LARP1: variants seen among roughly 807,000 people sequenced by gnomAD.
LARP1 encodes the protein La ribonucleoprotein 1, translational regulator, also known as la-related protein 1.
In LARP1, 36 loss-of-function variants were observed where a neutral mutation model predicts 122.7. The observed-to-expected ratio is 0.29, with a 90% CI of 0.22 to 0.39. The LOEUF (loss-of-function observed/expected upper bound fraction) is 0.39. Among genes scored for constraint, LARP1 ranks in the 10% least tolerant of loss-of-function variants. The pLI is 1.00. For missense variants in LARP1, 1,040 were observed against 1,403.6 expected, an observed-to-expected ratio of 0.74 and a Z score of 4.14; for synonymous variants, 539 against 528.7, an observed-to-expected ratio of 1.02 and a Z score of -0.27.
rs955341228 is a variant in LARP1 at position 154,804,187 on chromosome 5, G to T, written c.2440-14G>T. 1.9e-6 allele frequency: 3 copies of T among 1,606,980 alleles called. No individual in the cohort carries two copies. In the East Asian group the frequency reaches 6.7e-5, roughly 36 times the overall value. On this transcript the variant is annotated splice_polypyrimidine_tract_variant and intron_variant, in intron 13 of 18. Transcript: ENST00000518297. Reference sequence around the variant, plus strand: ...GAGTACAAACAGTAACAAACCCTGGGCTAACCTTTGCAGATGCCTCGAAAA... The same window carrying T: ...GAGTACAAACAGTAACAAACCCTGGTCTAACCTTTGCAGATGCCTCGAAAA...
At chr5:154,805,771 C>A (rs2113850485) in intron 14 of LARP1, 110 bp from the exon 15 acceptor site, 1 of 1,167,026 alleles carries the variant, frequency 8.6e-7, no homozygotes, top group Non-Finnish European at 1.2e-6. Flanking sequence ...TTGTTTGATA[C>A]CCTGTGAGAG....
chr5:154,810,466 A>G (rs139176949), intron 16 of LARP1, among the ~76,000 whole-genome samples: 228 of 151,708 alleles, frequency 1.5e-3, no homozygotes, highest in African/African-American at 5.0e-3. Context: ...ATCTAAATCT[A>G]TTGGCATGTG....
At chr5:154,742,732 A>G (rs541239646) in intron 1 of LARP1, among the ~76,000 whole-genome samples, 11 of 149,978 alleles carry the variant, frequency 7.3e-5, no homozygotes, top group African/African-American at 2.4e-4. Flanking sequence ...CCTGTCTCAA[A>G]AAAAAAAAAA....
intron 1 of LARP1, among the ~76,000 whole-genome samples, chr5:154,715,350 C>T (rs1386375776): frequency 4.1e-5 from 6 of 147,052 alleles, no homozygotes; most frequent in Admixed American, 6.8e-5. Flanking sequence ...CCGCAACCTC[C>T]GCCTCCCGGG....
At chr5:154,779,700 G>C (rs958828322) in intron 1 of LARP1, among the ~76,000 whole-genome samples, 3 of 151,990 alleles carry the variant, frequency 2.0e-5, no homozygotes, top group African/African-American at 4.8e-5. Context: ...TAGAGACGGG[G>C]TTTCTCCATG....
chr5:154,698,546 G>A (rs1754576959), intron 1 of LARP1, among the ~76,000 whole-genome samples: 1 of 152,176 alleles, frequency 6.6e-6, no homozygotes, highest in Non-Finnish European at 1.5e-5. Context: ...GCATTGAGCT[G>A]AGATCACACC....
intron 1 of LARP1, among the ~76,000 whole-genome samples, chr5:154,787,091 C>G (rs2113750950): frequency 6.6e-6 from 1 of 152,270 alleles, no homozygotes; most frequent in African/African-American, 2.4e-5. Flanking sequence ...GTTGCTCAGG[C>G]TGGTCTCAAA....
intron 14 of LARP1, chr5:154,805,063 A>T (rs983288731): frequency 2.8e-6 from 1 of 357,220 alleles, no homozygotes; most frequent in African/African-American, 2.1e-5. Flanking sequence ...TATGTATTAC[A>T]TACTGTATTC....
chr5:154,805,548 T>A (rs1021806951), intron 14 of LARP1, among the ~76,000 whole-genome samples: 1 of 152,236 alleles, frequency 6.6e-6, no homozygotes, highest in Non-Finnish European at 1.5e-5. Context: ...TGACCCATGA[T>A]GGCTCATTAA....
chr5:154,755,347 T>G (rs1355596276), upstream of LARP1, among the ~76,000 whole-genome samples: 22 of 149,732 alleles, frequency 1.5e-4, no homozygotes, highest in Non-Finnish European at 2.2e-4. Flanking sequence ...TCGCGTGGTC[T>G]GCTTGGCTCG....
intron 15 of LARP1, among the ~76,000 whole-genome samples, chr5:154,806,595 A>G (rs1405482521): frequency 1.3e-5 from 2 of 152,186 alleles, no homozygotes; most frequent in African/African-American, 4.8e-5. Context: ...TCTCTAGATG[A>G]TAGTGTAAGG....
intron 1 of LARP1, among the ~76,000 whole-genome samples, chr5:154,707,638 G>A (rs186933979): frequency 1.3e-5 from 2 of 152,050 alleles, no homozygotes; most frequent in African/African-American, 2.4e-5. Context: ...CAGCTGGGGT[G>A]GGGGGGCATG....
intron 1 of LARP1, among the ~76,000 whole-genome samples, chr5:154,713,913 A>G (rs1255361706): frequency 6.6e-6 from 1 of 152,190 alleles, no homozygotes; most frequent in East Asian, 1.9e-4. Flanking sequence ...TGTGGCCAGG[A>G]GAGTGATGGG....
intron 1 of LARP1, among the ~76,000 whole-genome samples, chr5:154,778,595 A>G (rs766991344): frequency 7.9e-5 from 12 of 152,232 alleles, no homozygotes; most frequent in Non-Finnish European, 1.5e-4. Context: ...AAATCACAAG[A>G]TGTTAGAACT....
rs1170107954 is a variant in LARP1, at chr5:154,769,574, A to G, written c.436+13381A>G. Among the ~76,000 whole-genome samples, 3 of 152,180 alleles carry G rather than the reference A, an allele frequency of 2.0e-5. No homozygotes were observed. In the East Asian group the frequency reaches 5.8e-4, roughly 29 times the overall value. ...ATAGGACTCACCTAGCTTTGTGGCC[A>G]GAGGCCCTGGAGCAGCAATAGAAAG... is the stretch of plus-strand genomic sequence containing the variant. On this transcript the variant is annotated intron_variant, in intron 1 of 18. Coordinates refer to ENST00000518297, the MANE Select transcript of LARP1 (RefSeq NM_033551.3).
intron 8 of LARP1, among the ~76,000 whole-genome samples, chr5:154,797,222 T>A (rs1485560328): frequency 4.8e-5 from 1 of 20,896 alleles, no homozygotes; most frequent in Non-Finnish European, 1.1e-4. Context: ...GTTGTTGTTG[T>A]TTTTTTTTTT....
At chr5:154,797,413 A>G (rs573868577) in intron 8 of LARP1, among the ~76,000 whole-genome samples, 5 of 151,240 alleles carry the variant, frequency 3.3e-5, no homozygotes, top group Admixed American at 1.3e-4. Flanking sequence ...TTGTATTTCT[A>G]GTAGAGATGG....
intron 1 of LARP1, among the ~76,000 whole-genome samples, chr5:154,740,434 C>T (rs538391390): frequency 8.6e-5 from 13 of 150,786 alleles, no homozygotes; most frequent in Non-Finnish European, 1.2e-4. Flanking sequence ...CCACCACCAA[C>T]ACTCAGTAGG....
At position 154,789,928 on chromosome 5, in the gene LARP1, C is replaced by T. The variant is rs574999400; in HGVS notation, c.437-397C>T. On this transcript the variant is annotated intron_variant, in intron 1 of 18. Coordinates refer to ENST00000518297, the MANE Select transcript of LARP1 (RefSeq NM_033551.3). ...ACATCAAACTTCTAGAATGTTAGGGCCAGAAATGATCTATCAGACATCTGC... is the reference window on the plus strand; with the variant it reads ...ACATCAAACTTCTAGAATGTTAGGGTCAGAAATGATCTATCAGACATCTGC... Among the ~76,000 whole-genome samples, 5 of 152,302 alleles carry T rather than the reference C, an allele frequency of 3.3e-5. No homozygotes were observed. The South Asian group carries it at 1.0e-3, about 32-fold the overall frequency.
Sources: gnomAD v4.1 joint callset for allele counts (sites outside exome capture counted in the v4.1 genomes callset) on GRCh38, gnomAD v4.1.1 for gene constraint, MANE v1.5 for transcripts, NCBI Gene and HGNC (gene_info 2026-07-23, HGNC 2026-07-21) for gene names.